Variants in SORL1 observed in about 807,000 individuals in gnomAD.
SORL1 encodes the protein sortilin-related receptor.
Under a neutral mutation model 273.7 loss-of-function variants are expected in SORL1, and 127 were observed. The ratio of observed to expected loss-of-function variants is 0.46; its 90% CI spans 0.40 to 0.54. The LOEUF is 0.54. Ranked by LOEUF, SORL1 falls within the 20% of genes least tolerant of loss-of-function variation. SORL1 has a pLI of 0.00. For synonymous variants in SORL1, 1,031 were observed against 1,067.4 expected (o/e 0.97, Z 0.66); for missense variants, 2,494 against 2,846.1 (o/e 0.88, Z 2.81).
intron 1 of SORL1, among the ~76,000 whole-genome samples, chr11:121,454,478 C>A (rs1860868422): frequency 6.6e-6 from 1 of 152,166 alleles, no homozygotes; most frequent in Non-Finnish European, 1.5e-5. Flanking sequence ...ACTCCCAAAC[C>A]CTGGGCTTTT....
chr11:121,614,831 C>A, intron 40 of SORL1, 40 bp from the exon 41 acceptor site: 1 of 1,571,738 alleles, frequency 6.4e-7, no homozygotes, highest in Non-Finnish European at 8.7e-7. Flanking sequence ...GACTAACACC[C>A]CCAACTTCCT....
chr11:121,571,462 G>A (rs1459739472), intron 23 of SORL1, among the ~76,000 whole-genome samples: 2 of 152,266 alleles, frequency 1.3e-5, no homozygotes, highest in African/African-American at 4.8e-5. Flanking sequence ...ATCTTTGGAA[G>A]GATAAGTAGT....
At chr11:121,567,210 TC>T in intron 22 of SORL1, 97 bp downstream of exon 22, 1 of 1,070,514 alleles carries the variant, frequency 9.3e-7, no homozygotes, top group Non-Finnish European at 1.3e-6. Context: ...CCTAACCTTT[TC>T]GTGTTATTGG....
chr11:121,589,429 T>C, intron 29 of SORL1, 39 bp downstream of exon 29: 1 of 1,608,980 alleles, frequency 6.2e-7, no homozygotes, highest in Non-Finnish European at 8.5e-7. Context: ...CCTAATCCTC[T>C]AGTTAACAGT....
At chr11:121,474,893 A>G (rs1169111837) in intron 2 of SORL1, among the ~76,000 whole-genome samples, 1 of 152,250 alleles carries the variant, frequency 6.6e-6, no homozygotes, top group East Asian at 1.9e-4. Flanking sequence ...GGGAAGATAG[A>G]TAACTGTGCA....
chr11:121,552,290 A>G (rs757849183), intron 16 of SORL1, among the ~76,000 whole-genome samples: 2 of 152,328 alleles, frequency 1.3e-5, no homozygotes, highest in African/African-American at 4.8e-5. Flanking sequence ...TTCCTTTACA[A>G]TTACTATGAA....
chr11:121,612,300 C>T (rs1338707326), intron 39 of SORL1: 3 of 154,600 alleles, frequency 1.9e-5, no homozygotes, highest in African/African-American at 7.2e-5. Flanking sequence ...GGTAGTCTTT[C>T]CTGATGGGTG....
intron 14 of SORL1, among the ~76,000 whole-genome samples, chr11:121,545,643 A>G (rs1862414080): frequency 6.6e-6 from 1 of 152,200 alleles, no homozygotes; most frequent in South Asian, 2.1e-4. Flanking sequence ...AATGCGGTAG[A>G]GGTGTCTAGG....
Position 121,452,512 on chromosome 11 carries a change from T to C in SORL1, c.181T>C (p.Trp61Arg). ...VQGDPRELRL[W>R]ARGDARGASR... ...GGGCGACCCGCGCGAGCTGCGGCTG[T>C]GGGCGCGCGGGGATGCCAGGGGGGC... The change falls in exon 1 of 48, where the codon TGG (tryptophan) becomes CGG (arginine). Residue 61 changes from tryptophan (W) to arginine (R), a missense_variant. Trp to Arg is a moderately radical substitution (Grantham distance 101, BLOSUM62 -3). Transcript: ENST00000260197. The surrounding 1 kb of genome is among the most constrained non-coding windows in gnomAD (Gnocchi z 5.3). 2 of 1,478,242 alleles carry C rather than the reference T, an allele frequency of 1.4e-6. No homozygotes were observed. Among genetic ancestry groups the C allele is most frequent in the Non-Finnish European group, 1.8e-6 (2 of 1,118,670 alleles). The allele number at this position is 1,478,242 out of a possible 1,614,324, so 91.6% of individuals were successfully genotyped here.
chr11:121,589,199 C>T, intron 28 of SORL1, 60 bp from the exon 29 acceptor site: 6 of 1,597,162 alleles, frequency 3.8e-6, no homozygotes, highest in Non-Finnish European at 5.1e-6. Context: ...GGCACCACTG[C>T]TGCTTCGACC....
intron 24 of SORL1, 62 bp from the exon 25 acceptor site, chr11:121,577,219 C>T (rs1862944071): frequency 6.5e-7 from 1 of 1,539,084 alleles, no homozygotes; most frequent in Non-Finnish European, 8.8e-7. Context: ...AGCTTTGACA[C>T]CAGAGACAAA....
At chr11:121,506,370 G>A (rs146651578) in intron 6 of SORL1, among the ~76,000 whole-genome samples, 7 of 152,298 alleles carry the variant, frequency 4.6e-5, no homozygotes, top group Admixed American at 4.6e-4. Context: ...TGGACTTACA[G>A]TTCCATGTGG....
Position 121,629,553 on chromosome 11 carries a change from T to C in SORL1, c.6635T>C (p.Val2212Ala). The C allele has an allele frequency of 6.5e-7, 1 of 1,536,668 alleles. No homozygotes were observed. Among genetic ancestry groups the C allele is most frequent in the Non-Finnish European group, 9.0e-7 (1 of 1,109,200 alleles). Residue 2212 changes from valine to alanine, a missense_variant, in exon 48 of 48, where the codon GTG (valine) becomes GCG (alanine). By Grantham distance (64) the Val-to-Ala change is moderately conservative (BLOSUM62 0). This residue lies in a region of SORL1 where 1,609 missense variants were observed against 1,816.4 expected (regional missense o/e 0.89). Coordinates refer to ENST00000260197, the MANE Select transcript of SORL1 (RefSeq NM_003105.6). ...ITGFSDDVPM[V>A]IA Reference sequence around the variant, plus strand: ...GGATTTTCAGATGACGTCCCCATGGTGATAGCCTGAAAGAGCTTTCCTCAC... The same window carrying C: ...GGATTTTCAGATGACGTCCCCATGGCGATAGCCTGAAAGAGCTTTCCTCAC...
At chr11:121,470,307 T>C (rs1467372482) in intron 2 of SORL1, among the ~76,000 whole-genome samples, 184 bp downstream of exon 2, 1 of 152,206 alleles carries the variant, frequency 6.6e-6, no homozygotes, top group African/African-American at 2.4e-5. Context: ...GGAGGTGCAG[T>C]CAGTGTTGCA....
At chr11:121,617,515 T>G (rs905410380) in intron 41 of SORL1, among the ~76,000 whole-genome samples, 5 of 151,900 alleles carry the variant, frequency 3.3e-5, no homozygotes, top group Non-Finnish European at 5.9e-5. Context: ...AGCTTAGTCC[T>G]CACAGCTGCT....
chr11:121,580,929 T>C lies in SORL1; in HGVS notation c.3581-2529T>C, dbSNP rs79900939. 8.0e-3 allele frequency among the ~76,000 whole-genome samples: 1,201 copies of C among 150,656 alleles called. 17 individuals are homozygous for C. Among genetic ancestry groups the C allele is most frequent in the African/African-American group, 0.027 (1,091 of 40,936 alleles). On this transcript the variant is annotated intron_variant, in intron 25 of 47. Coordinates refer to ENST00000260197, the MANE Select transcript of SORL1 (RefSeq NM_003105.6). Reference sequence around the variant, plus strand: ...CCCCTTCTCATACACTTTTTTTTTTTTTTTTGAGACGGGGTCTCTGTCGCC... The same window carrying C: ...CCCCTTCTCATACACTTTTTTTTTTCTTTTTGAGACGGGGTCTCTGTCGCC...
chr11:121,595,865 C>T lies in SORL1; in HGVS notation c.4519+93C>T. ...GCTTCATTTCTGGATCAGCACACGC[C>T]TGTGTGTGAGTCTGTGTACTTGCGT... On this transcript the variant is annotated intron_variant, in intron 32 of 47. Transcript: ENST00000260197. The surrounding 1 kb of genome is among the most constrained non-coding windows in gnomAD (Gnocchi z 5.1). 2 of 1,374,288 alleles carry T rather than the reference C, an allele frequency of 1.5e-6. No individual in the cohort carries two copies. 85.1% of individuals were successfully genotyped at this position (1,374,288 alleles called of 1,614,324 possible). A position where few individuals can be genotyped will look rare whatever the true frequency, so the allele number is the denominator to read the frequency against.
At chr11:121,547,332 G>A (rs1303295080) in intron 14 of SORL1, among the ~76,000 whole-genome samples, 4 of 121,960 alleles carry the variant, frequency 3.3e-5, no homozygotes, top group Non-Finnish European at 4.9e-5. Context: ...AATCTTTGGG[G>A]TTTTTTTTTT....
At chr11:121,576,789 T>A in intron 24 of SORL1, 3 of 1,500,404 alleles carry the variant, frequency 2.0e-6, no homozygotes, top group Admixed American at 4.3e-5. Flanking sequence ...GTTTCCTCCG[T>A]TTTGGGAGCT....
Sources: allele counts gnomAD v4.1 joint callset (sites outside exome capture counted in the v4.1 genomes callset), GRCh38; gene constraint gnomAD v4.1.1; regional missense constraint gnomAD v4.1.1; non-coding constraint Gnocchi (gnomAD v3.1); transcripts MANE v1.5; gene names NCBI Gene and HGNC (gene_info 2026-07-23, HGNC 2026-07-21).